The following PVALEF variants were observed in gnomAD, a reference collection of about 807,000 sequenced individuals.
PVALEF encodes parvalbumin like EF-hand containing.
PVALEF carries 2 observed loss-of-function variants against 1.2 expected under a neutral mutation model. That is an observed-to-expected ratio of 1.68 (90% confidence interval 0.69 to 5.28). PVALEF has a LOEUF of 5.28. PVALEF is among the 30% of genes most tolerant of loss of function. The pLI, the probability that PVALEF is intolerant of heterozygous loss-of-function variation, is 0.06. For missense variants in PVALEF, 35 were observed against 17.7 expected, an observed-to-expected ratio of 1.97 and a Z score of -1.75; for synonymous variants, 16 against 6.5, an observed-to-expected ratio of 2.47 and a Z score of -2.24.
At chr17:81,165,886 G>C (rs1384409734) in intron 1 of PVALEF, 139 bp downstream of exon 1, 2 of 1,551,578 alleles carry the variant, frequency 1.3e-6, no homozygotes, top group Non-Finnish European at 1.7e-6. Context: ...GGGGCATCAC[G>C]TCCGCAGCGG....
At chr17:81,176,461 T>C (rs770984218) in intron 2 of PVALEF, among the ~76,000 whole-genome samples, 1 of 152,006 alleles carries the variant, frequency 6.6e-6, no homozygotes, top group African/African-American at 2.4e-5. Flanking sequence ...GAGGTTGCAG[T>C]GAGCCGAGGT....
chr17:81,176,842 A>C (rs12103866), intron 2 of PVALEF, among the ~76,000 whole-genome samples: 35,738 of 151,960 alleles, frequency 0.24, 4,541 homozygotes, highest in Non-Finnish European at 0.28. Flanking sequence ...ACAATTGCCA[A>C]AAGGTGGACG....
At chr17:81,176,170 A>T (rs982279861) in intron 2 of PVALEF, among the ~76,000 whole-genome samples, 4 of 152,244 alleles carry the variant, frequency 2.6e-5, no homozygotes, top group Admixed American at 2.6e-4. Flanking sequence ...CAAATGCCTA[A>T]TAAGCCCATG....
Position 81,179,452 on chromosome 17 carries a change from A to G in PVALEF, c.-105+300A>G, listed in dbSNP as rs569693949. Among the ~76,000 whole-genome samples the G allele has an allele frequency of 1.2e-3, 182 of 152,338 alleles. 1 individual carries two copies. The highest frequency in any genetic ancestry group is 1.7e-3 in the Non-Finnish European group (119 of 68,012). ...CACGAGCCTCTGTGGGCACGGCTACAAGAGGCGGCTGTGAGCTGGGGCCTC... is the reference window on the plus strand; with the variant it reads ...CACGAGCCTCTGTGGGCACGGCTACGAGAGGCGGCTGTGAGCTGGGGCCTC... On this transcript the variant is annotated intron_variant, in intron 3 of 6. Transcript: ENST00000637878.
At chr17:81,171,484 C>A (rs1334431106) in intron 2 of PVALEF, among the ~76,000 whole-genome samples, 1 of 152,190 alleles carries the variant, frequency 6.6e-6, no homozygotes, top group Non-Finnish European at 1.5e-5. Flanking sequence ...AGCATGATTT[C>A]CCACTCCACA....
chr17:81,169,752 ATG>A (rs1008746012), intron 2 of PVALEF, among the ~76,000 whole-genome samples: 2 of 146,662 alleles, frequency 1.4e-5, no homozygotes, highest in African/African-American at 5.1e-5. Flanking sequence ...GTACGTGTCT[ATG>A]TGTGTGTATG....
At chr17:81,169,750 CTATG>C (rs1206104639) in intron 2 of PVALEF, among the ~76,000 whole-genome samples, 18 of 142,404 alleles carry the variant, frequency 1.3e-4, no homozygotes, top group African/African-American at 3.7e-4. Context: ...GTGTACGTGT[CTATG>C]TGTGTGTATG....
chr17:81,167,162 G>T (rs551159655), intron 2 of PVALEF, among the ~76,000 whole-genome samples: 5 of 152,320 alleles, frequency 3.3e-5, no homozygotes, highest in South Asian at 2.1e-4. Context: ...GCATGGTGGC[G>T]CTCACCTGTA....
At chr17:81,176,840 C>A (rs1183439142) in intron 2 of PVALEF, among the ~76,000 whole-genome samples, 1 of 151,352 alleles carries the variant, frequency 6.6e-6, no homozygotes, top group African/African-American at 2.4e-5. Context: ...TCACAATTGC[C>A]AAAAGGTGGA....
At position 81,169,734 on chromosome 17, in the gene PVALEF, G is replaced by A. The variant is rs140462318; in HGVS notation, c.-340+2890G>A. ...CCTGCATCGTCACATAGTCGTGTGC[G>A]TGTGTGTGTACGTGTCTATGTGTGT... On this transcript the variant is annotated intron_variant, in intron 2 of 6. Transcript: ENST00000637878. Among the ~76,000 whole-genome samples, 19 of 143,096 alleles carry A rather than the reference G, an allele frequency of 1.3e-4. No homozygotes were observed. In the East Asian group the frequency reaches 3.3e-3, roughly 25 times the overall value. 93.9% of individuals were successfully genotyped at this position (143,096 alleles called of 152,430 possible). A position where few individuals can be genotyped will look rare whatever the true frequency, so the allele number is the denominator to read the frequency against.
rs1022239594 is a variant in PVALEF, at chr17:81,181,706, C to T, written c.242+12C>T. ...TGGAACGAGATCAAGTAATGGCTGGCGGCCACGGAGGGGTGGGGCCCAGGC... is the reference window on the plus strand; with the variant it reads ...TGGAACGAGATCAAGTAATGGCTGGTGGCCACGGAGGGGTGGGGCCCAGGC... On this transcript the variant is annotated intron_variant, in intron 5 of 6. Coordinates refer to ENST00000637878, the MANE Select transcript of PVALEF (RefSeq NM_001354639.2). 75 of 399,874 alleles carry T rather than the reference C, an allele frequency of 1.9e-4. No homozygotes were observed. Among genetic ancestry groups the T allele is most frequent in the African/African-American group, 1.4e-3 (67 of 48,764 alleles). The allele number at this position is 399,874 out of a possible 1,614,324, so 24.8% of individuals were successfully genotyped here.
intron 2 of PVALEF, among the ~76,000 whole-genome samples, chr17:81,173,707 T>C (rs1444139255): frequency 6.6e-6 from 1 of 152,176 alleles, no homozygotes; most frequent in African/African-American, 2.4e-5. Context: ...GACCTGATAG[T>C]TTCACTGGCG....
At chr17:81,179,358 G>A (rs376204437) in intron 3 of PVALEF, among the ~76,000 whole-genome samples, 1 of 152,208 alleles carries the variant, frequency 6.6e-6, no homozygotes, top group African/African-American at 2.4e-5. Flanking sequence ...CCCCAAGGGG[G>A]CCCCCGGATG....
intron 2 of PVALEF, among the ~76,000 whole-genome samples, chr17:81,178,252 A>G (rs2061541917): frequency 6.6e-6 from 1 of 152,178 alleles, no homozygotes; most frequent in Non-Finnish European, 1.5e-5. Flanking sequence ...CGGCCTATGT[A>G]AGAGGCCCGG....
At chr17:81,171,595 C>T (rs1598247585) in intron 2 of PVALEF, among the ~76,000 whole-genome samples, 1 of 152,220 alleles carries the variant, frequency 6.6e-6, no homozygotes, top group East Asian at 1.9e-4. Context: ...GGGTTAACGC[C>T]ATTCTCCTGC....
rs2061555832 is a variant in PVALEF at position 81,181,956 on chromosome 17, T to G, written c.243-10T>G. 2.5e-6 allele frequency: 1 copy of G among 398,388 alleles called. No individual in the cohort carries two copies. 24.7% of individuals were successfully genotyped at this position (398,388 alleles called of 1,614,324 possible). A position where few individuals can be genotyped will look rare whatever the true frequency, so the allele number is the denominator to read the frequency against. ...CCCCTTGGCCCTGACTCGAGCCCCC[T>G]TGGCCCCAGGTACATCCTGTCCATC... is the stretch of plus-strand genomic sequence containing the variant. On this transcript the variant is annotated splice_polypyrimidine_tract_variant and intron_variant, in intron 5 of 6. Coordinates refer to ENST00000637878, the MANE Select transcript of PVALEF (RefSeq NM_001354639.2).
intron 2 of PVALEF, among the ~76,000 whole-genome samples, chr17:81,175,487 GA>G (rs771497796): frequency 6.6e-6 from 1 of 152,100 alleles, no homozygotes; most frequent in Non-Finnish European, 1.5e-5. Context: ...AAACAATCTT[GA>G]AAAAGAAGAA....
chr17:81,181,197 GA>G lies in PVALEF; in HGVS notation c.-28del. ...CCCCCAATCCGTGCGTGCACCCCAC[GA>G]ATTGACTCCCTATCCACCCAGGACC... is the stretch of plus-strand genomic sequence containing the variant. On this transcript the variant is annotated 5_prime_UTR_variant, in exon 4 of 7. Transcript: ENST00000637878. 1 of 702,998 alleles carries G rather than the reference GA, an allele frequency of 1.4e-6. No homozygotes were observed. The highest frequency in any genetic ancestry group is 1.5e-5 in the South Asian group (1 of 67,374). The allele number at this position is 702,998 out of a possible 1,614,324, so 43.5% of individuals were successfully genotyped here. A position where few individuals can be genotyped will look rare whatever the true frequency, so the allele number is the denominator to read the frequency against.
chr17:81,179,288 G>A (rs1172984154), intron 3 of PVALEF, 136 bp downstream of exon 3: 1 of 243,672 alleles, frequency 4.1e-6, no homozygotes, highest in Non-Finnish European at 8.4e-6. Context: ...CCCAGGGGAG[G>A]TGGGGAAATG....
Sources: gnomAD v4.1 joint callset for allele counts (sites outside exome capture counted in the v4.1 genomes callset) on GRCh38, gnomAD v4.1.1 for gene constraint, MANE v1.5 for transcripts, NCBI Gene and HGNC (gene_info 2026-07-23, HGNC 2026-07-21) for gene names.